Variants in ANKRD12 observed in about 807,000 individuals in gnomAD.
ANKRD12 encodes the protein ankyrin repeat domain 12, also known as ankyrin repeat domain-containing protein 12.
ANKRD12 carries 85 observed loss-of-function variants against 183.4 expected under a neutral mutation model. The ratio of observed to expected loss-of-function variants is 0.46; its 90% CI spans 0.39 to 0.56. The LOEUF (loss-of-function observed/expected upper bound fraction) is 0.56, where lower values mean the gene tolerates loss of function less well. ANKRD12 is among the 20% of genes least tolerant of loss of function. The probability of loss-of-function intolerance (pLI) is 0.00; values close to 1 mark genes in which losing one functional copy is unlikely to be tolerated. For synonymous variants in ANKRD12, 914 were observed against 800.2 expected, an observed-to-expected ratio of 1.14 and a Z score of -2.40; for missense variants, 2,405 against 2,357.1, an observed-to-expected ratio of 1.02 and a Z score of -0.42.
Position 9,209,920 on chromosome 18 carries a change from T to C in ANKRD12, c.451+1117T>C, listed in dbSNP as rs377147622. Among the ~76,000 whole-genome samples the C allele has an allele frequency of 2.2e-4, 33 of 152,276 alleles. No individual in the cohort carries two copies. In the South Asian group the frequency reaches 4.6e-3, roughly 21 times the overall value. On this transcript the variant is annotated intron_variant, in intron 5 of 12. Coordinates refer to ENST00000262126, the MANE Select transcript of ANKRD12 (RefSeq NM_015208.5). ...TCTCCAATCACCTCCCCTCAAGAGG[T>C]GACCACTGTTAACAGTTTCTTATCT...
chr18:9,270,571 C>A (rs945089409), intron 10 of ANKRD12, among the ~76,000 whole-genome samples: 4 of 152,074 alleles, frequency 2.6e-5, no homozygotes, highest in African/African-American at 9.7e-5. Context: ...ACAATGAGAA[C>A]ACATGGACAC....
At chr18:9,262,816 T>TG (rs1555639885) in intron 9 of ANKRD12, among the ~76,000 whole-genome samples, 82 of 133,996 alleles carry the variant, frequency 6.1e-4, no homozygotes, top group African/African-American at 2.3e-3. Flanking sequence ...TTTTTTTTTT[T>TG]GAGACAGAGT....
intron 1 of ANKRD12, among the ~76,000 whole-genome samples, chr18:9,171,839 G>A (rs1336154257): frequency 1.3e-5 from 2 of 151,936 alleles, no homozygotes; most frequent in Non-Finnish European, 2.9e-5. Flanking sequence ...AGCCAACATG[G>A]CAAAACCCCA....
intron 10 of ANKRD12, among the ~76,000 whole-genome samples, chr18:9,266,851 T>C (rs2039317870): frequency 6.6e-6 from 1 of 152,180 alleles, no homozygotes; most frequent in South Asian, 2.1e-4. Context: ...GACCCATCAG[T>C]GTGCTGTATT....
At chr18:9,169,224 A>C (rs146643288) in intron 1 of ANKRD12, among the ~76,000 whole-genome samples, 1 of 152,142 alleles carries the variant, frequency 6.6e-6, no homozygotes, top group Non-Finnish European at 1.5e-5. Flanking sequence ...GTAGATGTCT[A>C]TGAGGTCCAC....
intron 1 of ANKRD12, among the ~76,000 whole-genome samples, chr18:9,168,381 T>C (rs2032313683): frequency 6.6e-6 from 1 of 152,212 alleles, no homozygotes; most frequent in South Asian, 2.1e-4. Flanking sequence ...CTATTGATTA[T>C]TGCCTCAATT....
intron 3 of ANKRD12, among the ~76,000 whole-genome samples, chr18:9,198,954 A>G (rs950744865): frequency 6.6e-6 from 1 of 152,178 alleles, no homozygotes; most frequent in African/African-American, 2.4e-5. Flanking sequence ...GGATTTGTTA[A>G]ATTATGATAA....
chr18:9,186,427 T>C (rs909211284), intron 2 of ANKRD12, among the ~76,000 whole-genome samples: 2 of 152,216 alleles, frequency 1.3e-5, no homozygotes, highest in Non-Finnish European at 2.9e-5. Flanking sequence ...TGTTTAACTG[T>C]ATGTTTTTCA....
At chr18:9,209,009 A>C (rs2035634349) in intron 5 of ANKRD12, among the ~76,000 whole-genome samples, 1 of 152,224 alleles carries the variant, frequency 6.6e-6, no homozygotes, top group Non-Finnish European at 1.5e-5. Flanking sequence ...GCTATACAAG[A>C]GTAGGGCTCT....
At chr18:9,163,889 A>T (rs1394669635) in intron 1 of ANKRD12, among the ~76,000 whole-genome samples, 1 of 152,008 alleles carries the variant, frequency 6.6e-6, no homozygotes, top group Non-Finnish European at 1.5e-5. Context: ...GTATCCTGAG[A>T]TTTTGCTGAA....
Position 9,257,161 on chromosome 18 carries a change from A to G in ANKRD12, c.3894A>G (p.Ile1298Met). ...SSSVEDVKLI[I>M]SEGRPTIEVR... ...CTGTAGAAGATGTTAAACTAATTAT[A>G]AGCGAGGGGAGACCTACCATAGAAG... Residue 1298 changes from isoleucine to methionine, a missense_variant, in exon 9 of 13, where the codon ATA (isoleucine) becomes ATG (methionine). Transcript: ENST00000262126. The G allele has an allele frequency of 6.2e-7, 1 of 1,614,154 alleles. No individual in the cohort carries two copies. The highest frequency in any genetic ancestry group is 8.5e-7 in the Non-Finnish European group (1 of 1,180,004).
chr18:9,257,130 C>T lies in ANKRD12; in HGVS notation c.3863C>T (p.Ser1288Leu), dbSNP rs556895081. 1.9e-6 allele frequency: 3 copies of T among 1,614,130 alleles called. No homozygotes were observed. In the Admixed American group the frequency reaches 5.0e-5, roughly 27 times the overall value. The change falls in exon 9 of 13, where the codon TCA becomes TTA. Residue 1288 changes from serine to leucine, a missense_variant. Ser to Leu is a moderately radical substitution (Grantham distance 145, BLOSUM62 -2). Around this residue, in one of 7 missense-constraint regions of ANKRD12, gnomAD observed 1,983 missense variants for 1,725.9 expected, o/e 1.15. Transcript: ENST00000262126. The stretch of plus-strand genomic sequence containing the variant: ...AGACTTTCAACATCCCATCTTAGGT[C>T]ATCTTCTGTAGAAGATGTTAAACTA... The part of the protein sequence containing the change: ...ANRLSTSHLR[S>L]SSVEDVKLII...
intron 1 of ANKRD12, among the ~76,000 whole-genome samples, chr18:9,176,015 A>G (rs181667580): frequency 6.6e-6 from 1 of 152,292 alleles, no homozygotes; most frequent in Admixed American, 6.5e-5. Flanking sequence ...GACTTGTTGT[A>G]TTGCAGTCAC....
chr18:9,150,820 A>C (rs766889165), intron 1 of ANKRD12, among the ~76,000 whole-genome samples: 4 of 151,874 alleles, frequency 2.6e-5, no homozygotes, highest in Non-Finnish European at 5.9e-5. Flanking sequence ...CACCTGGCTA[A>C]TTTTTTGTAT....
chr18:9,255,949 T>G lies in ANKRD12; in HGVS notation c.2682T>G (p.Ile894Met). 6.3e-7 allele frequency: 1 copy of G among 1,577,350 alleles called. No individual in the cohort carries two copies. Among genetic ancestry groups the G allele is most frequent in the Non-Finnish European group, 8.6e-7 (1 of 1,169,582 alleles). Reference protein sequence around the residue: ...EGEKSKNTAAIKKTDDREKSR... With the variant: ...EGEKSKNTAAMKKTDDREKSR... ...AGAAGAGCAAAAATACTGCTGCTAT[T>G]AAAAAAACTGACGACAGAGAGAAAA... is the stretch of plus-strand genomic sequence containing the variant. Residue 894 changes from isoleucine to methionine, a missense_variant, in exon 9 of 13, where the codon ATT becomes ATG. This residue lies in a region of ANKRD12 where 1,983 missense variants were observed against 1,725.9 expected (regional missense o/e 1.15). Coordinates refer to ENST00000262126, the MANE Select transcript of ANKRD12 (RefSeq NM_015208.5).
At chr18:9,151,973 T>C (rs970862658) in intron 1 of ANKRD12, among the ~76,000 whole-genome samples, 5 of 152,200 alleles carry the variant, frequency 3.3e-5, no homozygotes, top group Non-Finnish European at 7.3e-5. Context: ...CCCAGCACTT[T>C]TGAGAGGCCG....
chr18:9,194,854 A>G (rs74879741), intron 2 of ANKRD12, among the ~76,000 whole-genome samples: 1,576 of 152,318 alleles, frequency 0.01, 22 homozygotes, highest in African/African-American at 0.036. Context: ...AAGAATATAA[A>G]TTGTCCTATT....
chr18:9,202,071 A>T (rs1366470679), intron 3 of ANKRD12, among the ~76,000 whole-genome samples: 1 of 151,868 alleles, frequency 6.6e-6, no homozygotes, highest in Non-Finnish European at 1.5e-5. Context: ...CAATTGATCC[A>T]CCCACCTCAG....
intron 1 of ANKRD12, among the ~76,000 whole-genome samples, chr18:9,174,064 A>T (rs2033021640): frequency 4.6e-5 from 7 of 152,192 alleles, no homozygotes; most frequent in Admixed American, 4.6e-4. Flanking sequence ...GGTCCCACTT[A>T]AAAGAGCAGT....
Sources: allele counts gnomAD v4.1 joint callset (sites outside exome capture counted in the v4.1 genomes callset), GRCh38; gene constraint gnomAD v4.1.1; regional missense constraint gnomAD v4.1.1; transcripts MANE v1.5; gene names NCBI Gene and HGNC (gene_info 2026-07-23, HGNC 2026-07-21).